ASAP2: variants seen among roughly 807,000 people sequenced by gnomAD.
ASAP2 encodes the protein ArfGAP with SH3 domain, ankyrin repeat and PH domain 2.
Under a neutral mutation model 131.4 loss-of-function variants are expected in ASAP2, and 45 were observed. The observed-to-expected ratio is 0.34, with a 90% CI of 0.27 to 0.44. The LOEUF is 0.44. Among genes scored for constraint, ASAP2 ranks in the 20% least tolerant of loss-of-function variants. The probability of loss-of-function intolerance (pLI) is 1.00; values close to 1 mark genes in which losing one functional copy is unlikely to be tolerated. For missense variants in ASAP2, 1,011 were observed against 1,297.0 expected (o/e 0.78, Z 3.39); for synonymous variants, 510 against 503.0 (o/e 1.01, Z -0.19).
At chr2:9,254,229 AAAAAAAAAT>A (rs1439233445) in intron 1 of ASAP2, among the ~76,000 whole-genome samples, 2 of 106,012 alleles carry the variant, frequency 1.9e-5, no homozygotes, top group Non-Finnish European at 1.9e-5. Context: ...AAAAAAAAAA[AAAAAAAAAT>A]ATATATATAT....
At chr2:9,209,693 C>T (rs1307208929) in intron 1 of ASAP2, among the ~76,000 whole-genome samples, 3 of 152,236 alleles carry the variant, frequency 2.0e-5, no homozygotes, top group Non-Finnish European at 2.9e-5. Context: ...CCTCAGCCTC[C>T]CAAGTAGCTG....
intron 2 of ASAP2, 21 bp from the exon 3 acceptor site, chr2:9,297,279 A>G: frequency 6.2e-7 from 1 of 1,610,132 alleles, no homozygotes; most frequent in Non-Finnish European, 8.5e-7. Flanking sequence ...GACTCACAGC[A>G]CCTCCGTCAT....
At chr2:9,280,701 A>G (rs963733537) in intron 2 of ASAP2, among the ~76,000 whole-genome samples, 4 of 152,248 alleles carry the variant, frequency 2.6e-5, no homozygotes, top group Non-Finnish European at 5.9e-5. Context: ...GAATTACAGC[A>G]GCGGAAATTG....
chr2:9,395,908 A>G (rs1283914691), intron 24 of ASAP2, among the ~76,000 whole-genome samples: 2 of 151,880 alleles, frequency 1.3e-5, no homozygotes, highest in African/African-American at 4.8e-5. Flanking sequence ...TGCCCAGCCC[A>G]TCCCTGAAGT....
chr2:9,347,927 A>T (rs1463466762), intron 11 of ASAP2, among the ~76,000 whole-genome samples: 1 of 152,238 alleles, frequency 6.6e-6, no homozygotes, highest in Non-Finnish European at 1.5e-5. Context: ...GCACGATTAG[A>T]ATGGAGAATC....
At chr2:9,305,492 G>T (rs1668839069) in intron 3 of ASAP2, among the ~76,000 whole-genome samples, 1 of 146,844 alleles carries the variant, frequency 6.8e-6, no homozygotes. Context: ...GATATTGGTG[G>T]AGAGGCTGTA....
chr2:9,235,760 G>A (rs912390964), intron 1 of ASAP2, among the ~76,000 whole-genome samples: 2 of 152,192 alleles, frequency 1.3e-5, no homozygotes, highest in East Asian at 1.9e-4. Context: ...CATGTAAGAA[G>A]TGGTCAGGCT....
intron 14 of ASAP2, 86 bp from the exon 15 acceptor site, chr2:9,358,670 T>A: frequency 6.7e-7 from 1 of 1,496,288 alleles, no homozygotes. Context: ...CAGAACTGCT[T>A]GTTCAGTAAC....
rs1675521576 is a variant in ASAP2 at position 9,389,082 on chromosome 2, T to G, written c.2383+536T>G. 6.6e-6 allele frequency among the ~76,000 whole-genome samples: 1 copy of G among 152,260 alleles called. No individual in the cohort carries two copies. The highest frequency in any genetic ancestry group is 1.5e-5 in the Non-Finnish European group (1 of 68,052). On this transcript the variant is annotated intron_variant, in intron 22 of 27. Transcript: ENST00000281419. This position sits in a 1 kb window ranked among gnomAD's most constrained non-coding sequence, Gnocchi z 4.7. ...GTGTCTTAGGGCAAAAAGCATGCTTTTCTTACCTCAGCTGTAACCTGGAGG... is the reference window on the plus strand; with the variant it reads ...GTGTCTTAGGGCAAAAAGCATGCTTGTCTTACCTCAGCTGTAACCTGGAGG...
At chr2:9,334,201 G>GGTT (rs554034673) in intron 7 of ASAP2, among the ~76,000 whole-genome samples, 3,833 of 129,436 alleles carry the variant, frequency 0.03, 119 homozygotes, top group African/African-American at 0.096. Context: ...TTTTGTATTT[G>GGTT]TTTTTTTTTT....
At chr2:9,373,520 C>T (rs2148710531) in intron 16 of ASAP2, among the ~76,000 whole-genome samples, 1 of 152,366 alleles carries the variant, frequency 6.6e-6, no homozygotes, top group South Asian at 2.1e-4. Context: ...AGGATCTCTA[C>T]TCCCTGCCTC....
intron 1 of ASAP2, among the ~76,000 whole-genome samples, chr2:9,241,834 T>C (rs948830574): frequency 5.9e-5 from 9 of 152,142 alleles, no homozygotes; most frequent in African/African-American, 2.2e-4. Context: ...ACCTGAAAGG[T>C]TGAATCTAAT....
At chr2:9,275,911 C>T (rs1321603670) in intron 1 of ASAP2, among the ~76,000 whole-genome samples, 3 of 152,134 alleles carry the variant, frequency 2.0e-5, no homozygotes, top group Non-Finnish European at 4.4e-5. Flanking sequence ...ATTGTTTTAA[C>T]GTGGCACTTA....
In ASAP2 at chr2:9,319,239, C is replaced by T. The variant is rs116261539; in HGVS notation, c.420+641C>T. Among the ~76,000 whole-genome samples the T allele has an allele frequency of 3.5e-3, 527 of 152,336 alleles. 3 individuals carry two copies. The highest frequency in any genetic ancestry group is 0.012 in the African/African-American group (499 of 41,576). On this transcript the variant is annotated intron_variant, in intron 4 of 27. Transcript: ENST00000281419. ...CCTGCGCATCGCCAGCCCTGACAGA[C>T]GTGCACCACGGAAGGGACGTGATTG... is the stretch of plus-strand genomic sequence containing the variant.
chr2:9,319,872 C>T (rs1670043215), intron 4 of ASAP2, among the ~76,000 whole-genome samples: 1 of 152,110 alleles, frequency 6.6e-6, no homozygotes, highest in South Asian at 2.1e-4. Context: ...GGGCTTAAAG[C>T]AGGGTTAGAT....
intron 6 of ASAP2, among the ~76,000 whole-genome samples, chr2:9,325,818 G>C (rs1185088825): frequency 6.6e-6 from 1 of 152,188 alleles, no homozygotes; most frequent in Non-Finnish European, 1.5e-5. Flanking sequence ...CTGGGTCCTG[G>C]CTCTGCAGAG....
At position 9,378,525 on chromosome 2, in the gene ASAP2, A is replaced by G. The variant is rs188574697; in HGVS notation, c.1833-419A>G. Among the ~76,000 whole-genome samples, 29 of 152,310 alleles carry G rather than the reference A, an allele frequency of 1.9e-4. 2 individuals carry two copies. Among genetic ancestry groups the G allele is most frequent in the African/African-American group, 5.1e-4 (21 of 41,574 alleles). ...AGCCTCCGTCCTCCCGTGGGACAGG[A>G]TGGATGAGTCACACAGGCATCCAGA... On this transcript the variant is annotated intron_variant, in intron 18 of 27. Coordinates refer to ENST00000281419, the MANE Select transcript of ASAP2 (RefSeq NM_003887.3).
chr2:9,222,323 G>A (rs1243095811), intron 1 of ASAP2, among the ~76,000 whole-genome samples: 1 of 152,224 alleles, frequency 6.6e-6, no homozygotes, highest in Non-Finnish European at 1.5e-5. Flanking sequence ...GGAAGTTAGT[G>A]GAAATGTTTT....
In ASAP2 at chr2:9,400,265, T is replaced by C. The variant is rs868403157; in HGVS notation, c.2734+193T>C. ...CCTGCCCCCTTCCCCTCCTGCCCTCTTCCTCTCCTTCCTTCCCTCCTTCCT... is the reference window on the plus strand; with the variant it reads ...CCTGCCCCCTTCCCCTCCTGCCCTCCTCCTCTCCTTCCTTCCCTCCTTCCT... On this transcript the variant is annotated intron_variant, in intron 25 of 27. Coordinates refer to ENST00000281419, the MANE Select transcript of ASAP2 (RefSeq NM_003887.3). Among the ~76,000 whole-genome samples the C allele has an allele frequency of 1.7e-3, 51 of 30,486 alleles. No individual in the cohort carries two copies. The African/African-American group carries it at 0.021, about 13-fold the overall frequency. The allele number at this position is 30,486 out of a possible 152,430, so 20.0% of individuals were successfully genotyped here.
Sources: allele counts gnomAD v4.1 joint callset (sites outside exome capture counted in the v4.1 genomes callset), GRCh38; gene constraint gnomAD v4.1.1; non-coding constraint Gnocchi (gnomAD v3.1); transcripts MANE v1.5; gene names NCBI Gene and HGNC (gene_info 2026-07-23, HGNC 2026-07-21).